Variants in GOLGA8M observed in about 807,000 individuals in gnomAD.
GOLGA8M encodes the protein golgin A8 family member M, also known as golgin subfamily A member 8M.
GOLGA8M carries 34 observed loss-of-function variants against 87.7 expected under a neutral mutation model. The ratio of observed to expected loss-of-function variants is 0.39; its 90% CI spans 0.29 to 0.52. The LOEUF (loss-of-function observed/expected upper bound fraction) is 0.52, where lower values mean the gene tolerates loss of function less well. GOLGA8M is among the 20% of genes least tolerant of loss of function. GOLGA8M has a pLI of 0.80. For synonymous variants in GOLGA8M, 138 were observed against 250.2 expected (o/e 0.55, Z 4.23); for missense variants, 396 against 682.2 (o/e 0.58, Z 4.67).
In GOLGA8M at chr15:28,701,271, C is replaced by G. The variant is rs995786658; in HGVS notation, c.*683G>C. On this transcript the variant is annotated 3_prime_UTR_variant, in exon 19 of 19. Coordinates refer to ENST00000563027, the MANE Select transcript of GOLGA8M (RefSeq NM_001282468.3). ...ATTCCTGGCACCGGAACAGATGAAACACACTCTATCCTGCACATACCTGCC... is the reference window on the plus strand; with the variant it reads ...ATTCCTGGCACCGGAACAGATGAAAGACACTCTATCCTGCACATACCTGCC... Among the ~76,000 whole-genome samples the G allele has an allele frequency of 4.6e-5, 7 of 151,674 alleles. No homozygotes were observed. The highest frequency in any genetic ancestry group is 1.7e-4 in the African/African-American group (7 of 41,116).
intron 1 of GOLGA8M, chr15:28,712,022 C>A (rs2140949112): frequency 1.0e-6 from 1 of 984,826 alleles, no homozygotes; most frequent in Admixed American, 6.1e-5. Context: ...GAGATGAGGG[C>A]CCAGTAACGG....
At chr15:28,711,689 C>A (rs376837352) in intron 1 of GOLGA8M, 8 of 984,584 alleles carry the variant, frequency 8.1e-6, no homozygotes, top group Non-Finnish European at 8.4e-6. Flanking sequence ...CTTGCAGTAA[C>A]GGCAGTTACT....
chr15:28,704,487 T>A (rs1191630447), intron 13 of GOLGA8M, among the ~76,000 whole-genome samples: 3 of 149,316 alleles, frequency 2.0e-5, no homozygotes, highest in African/African-American at 7.3e-5. Flanking sequence ...TAACTTCCCT[T>A]TGAAGTTAAA....
At position 28,702,256 on chromosome 15, in the gene GOLGA8M, C is replaced by G. The variant is rs767950679; in HGVS notation, c.1681G>C (p.Ala561Pro). 4 of 1,576,094 alleles carry G rather than the reference C, an allele frequency of 2.5e-6. No homozygotes were observed. Among genetic ancestry groups the G allele is most frequent in the Middle Eastern group, 2.2e-4 (1 of 4,474 alleles). ...GCCCCAAGCTCCTGGGGAGCTGGGG[C>G]TCCTGGACCGGGCTCATCAGCAGAG... Reference protein sequence around the residue: ...HNSADEPGPGAPAPQELGAAD... With the variant: ...HNSADEPGPGPPAPQELGAAD... Residue 561 changes from alanine to proline, a missense_variant, in exon 18 of 19, where the codon GCC becomes CCC. Around this residue, in one of 12 missense-constraint regions of GOLGA8M, gnomAD observed 173 missense variants for 150.2 expected, o/e 1.15. Coordinates refer to ENST00000563027, the MANE Select transcript of GOLGA8M (RefSeq NM_001282468.3).
rs1596677573 is a variant in GOLGA8M, at chr15:28,704,865, G to A, written c.1200+294C>T. 3 of 598,298 alleles carry A rather than the reference G, an allele frequency of 5.0e-6. 1 individual carries two copies. Among genetic ancestry groups the A allele is most frequent in the South Asian group, 1.7e-5 (1 of 59,088 alleles). 37.1% of individuals were successfully genotyped at this position (598,298 alleles called of 1,614,324 possible). A position where few individuals can be genotyped will look rare whatever the true frequency, so the allele number is the denominator to read the frequency against. On this transcript the variant is annotated intron_variant, in intron 13 of 18. Transcript: ENST00000563027. Reference sequence around the variant, plus strand: ...GCCTCCCAAAGTGCTGGGATTATAGGCATGAGCCACTGCACCTGGCATAAG... The same window carrying A: ...GCCTCCCAAAGTGCTGGGATTATAGACATGAGCCACTGCACCTGGCATAAG...
In GOLGA8M at chr15:28,701,088, T is replaced by C. The variant is rs1054302359; in HGVS notation, c.*866A>G. Among the ~76,000 whole-genome samples the C allele has an allele frequency of 1.3e-4, 20 of 152,264 alleles. No individual in the cohort carries two copies. Among genetic ancestry groups the C allele is most frequent in the South Asian group, 4.1e-4 (2 of 4,826 alleles). On this transcript the variant is annotated 3_prime_UTR_variant, in exon 19 of 19. Transcript: ENST00000563027. ...AAATGCTCTAAGCTAGGAAAGGTTT[T>C]CCACATCCACAGTCAACGATGGGAA...
chr15:28,705,953 A>ACTGAGACT (rs1376690788), intron 11 of GOLGA8M, among the ~76,000 whole-genome samples, 163 bp downstream of exon 11: 1 of 151,888 alleles, frequency 6.6e-6, no homozygotes, highest in Non-Finnish European at 1.5e-5. Context: ...ACACTGAGAC[A>ACTGAGACT]CTGAGACTCA....
At chr15:28,704,657 A>C (rs2079950399) in intron 13 of GOLGA8M, among the ~76,000 whole-genome samples, 2 of 143,558 alleles carry the variant, frequency 1.4e-5, no homozygotes, top group African/African-American at 5.3e-5. Flanking sequence ...AGCTCACTGC[A>C]ACCTCCACCT....
chr15:28,705,027 T>C (rs1289644825), intron 13 of GOLGA8M, 132 bp downstream of exon 13: 3 of 1,448,392 alleles, frequency 2.1e-6, no homozygotes, highest in Non-Finnish European at 2.8e-6. Context: ...GAAACAGGAC[T>C]GCCCTGGGGG....
chr15:28,704,648 G>C (rs1237603290), intron 13 of GOLGA8M, among the ~76,000 whole-genome samples: 2 of 144,112 alleles, frequency 1.4e-5, no homozygotes, highest in Non-Finnish European at 1.5e-5. Flanking sequence ...TGCAATCTCA[G>C]CTCACTGCAA....
chr15:28,701,434 A>T lies in GOLGA8M; in HGVS notation c.*520T>A, dbSNP rs914514465. 5.3e-5 allele frequency among the ~76,000 whole-genome samples: 8 copies of T among 151,904 alleles called. No individual in the cohort carries two copies. The highest frequency in any genetic ancestry group is 4.6e-4 in the Admixed American group (7 of 15,232). The stretch of plus-strand genomic sequence containing the variant: ...TAAACAACTCTAAATGTCAGTACTC[A>T]TAGTGGCATATTACAAAGTAATAAA... On this transcript the variant is annotated 3_prime_UTR_variant, in exon 19 of 19. Transcript: ENST00000563027.
At chr15:28,709,992 T>C (rs2080151606) in intron 2 of GOLGA8M, among the ~76,000 whole-genome samples, 1 of 143,298 alleles carries the variant, frequency 7.0e-6, no homozygotes. Context: ...TATACAGATG[T>C]GAAAAGAGAG....
In GOLGA8M at chr15:28,699,168, GA is replaced by G. The variant is rs1203461733; in HGVS notation, c.*2785del. Among the ~76,000 whole-genome samples the G allele has an allele frequency of 1.4e-5, 2 of 144,488 alleles. No individual in the cohort carries two copies. The highest frequency in any genetic ancestry group is 3.0e-5 in the Non-Finnish European group (2 of 67,726). The allele number at this position is 144,488 out of a possible 152,430, so 94.8% of individuals were successfully genotyped here. On this transcript the variant is annotated 3_prime_UTR_variant, in exon 19 of 19. Transcript: ENST00000563027. ...TAAAATCAGCTTTGGTTTTAGAGCT[GA>G]TTTTTTTTTTCATTTCTGGAAAATT...
At chr15:28,712,600 ACCCACTCTAAGAGAGGGGAGAGGCCT>A (rs1266364386), upstream of GOLGA8M, among the ~76,000 whole-genome samples, 1 of 150,784 alleles carries the variant, frequency 6.6e-6, no homozygotes, top group Non-Finnish European at 1.5e-5. Context: ...CGCTCTCCGC[ACCCACTCTAAGAGAGGGGAGAGGCCT>A]CCCACTCTGG....
chr15:28,702,191 C>T (rs1207501450), intron 18 of GOLGA8M, 23 bp downstream of exon 18: 5 of 1,589,522 alleles, frequency 3.1e-6, no homozygotes, highest in South Asian at 1.1e-5. Flanking sequence ...TGCCTGCCCA[C>T]ACCACCTGAG....
At position 28,706,450 on chromosome 15, in the gene GOLGA8M, T is replaced by C; in HGVS notation, c.735A>G (p.Leu245=). 3 of 1,153,916 alleles carry C rather than the reference T, an allele frequency of 2.6e-6. No individual in the cohort carries two copies. The highest frequency in any genetic ancestry group is 2.5e-5 in the East Asian group (1 of 39,568). The allele number at this position is 1,153,916 out of a possible 1,614,324, so 71.5% of individuals were successfully genotyped here. The part of the protein sequence containing the change: ...QLERDEYSEH[L]KGERARWQQR... ...GCTGCCACCGGGCCCTCTCTCCTTT[T>C]AGATGTTCAGAATACTCATCTCTTT... is the stretch of plus-strand genomic sequence containing the variant. The change falls in exon 10 of 19, where the codon CTA becomes CTG. Residue 245 remains leucine, a synonymous_variant. Coordinates refer to ENST00000563027, the MANE Select transcript of GOLGA8M (RefSeq NM_001282468.3).
At position 28,706,419 on chromosome 15, in the gene GOLGA8M, T is replaced by C; in HGVS notation, c.766A>G (p.Met256Val). ...KGERARWQQR[M>V]RKMSQEICTL... ...CTCACCTCCTGCGACATTTTTCTCA[T>C]CCTCTGCTGCCACCGGGCCCTCTCT... The change falls in exon 10 of 19, where the codon ATG (methionine) becomes GTG (valine). Residue 256 changes from methionine (M) to valine (V), a missense_variant. By Grantham distance (21) the Met-to-Val change is conservative. Transcript: ENST00000563027. 1.5e-6 allele frequency: 1 copy of C among 680,794 alleles called. No homozygotes were observed. The highest frequency in any genetic ancestry group is 2.5e-6 in the Non-Finnish European group (1 of 392,558). 42.2% of individuals were successfully genotyped at this position (680,794 alleles called of 1,614,324 possible).
In GOLGA8M at chr15:28,711,880, G is replaced by A. The variant is rs538943585; in HGVS notation, c.48+396C>T. 22 of 984,796 alleles carry A rather than the reference G, an allele frequency of 2.2e-5. No homozygotes were observed. The South Asian group carries it at 9.9e-4, about 44-fold the overall frequency. 61.0% of individuals were successfully genotyped at this position (984,796 alleles called of 1,614,324 possible). A position where few individuals can be genotyped will look rare whatever the true frequency, so the allele number is the denominator to read the frequency against. Reference sequence around the variant, plus strand: ...CGACCTTGAGGCAGCAGGAGGGGAGGGCAGAGTCTGCAGCAGGGAGCCCCA... The same window carrying A: ...CGACCTTGAGGCAGCAGGAGGGGAGAGCAGAGTCTGCAGCAGGGAGCCCCA... On this transcript the variant is annotated intron_variant, in intron 1 of 18. Transcript: ENST00000563027.
chr15:28,707,639 C>G, intron 8 of GOLGA8M, 109 bp downstream of exon 8: 1 of 824,222 alleles, frequency 1.2e-6, no homozygotes, highest in Non-Finnish European at 2.0e-6. Flanking sequence ...AAGAAATGGC[C>G]ATGCTGCCTT....
Sources: allele counts gnomAD v4.1 joint callset (sites outside exome capture counted in the v4.1 genomes callset), GRCh38; gene constraint gnomAD v4.1.1; regional missense constraint gnomAD v4.1.1; transcripts MANE v1.5; gene names NCBI Gene and HGNC (gene_info 2026-07-23, HGNC 2026-07-21).